MAP3K20: variants seen among roughly 807,000 people sequenced by gnomAD.
MAP3K20 encodes HCCS-4.
In MAP3K20, 40 loss-of-function variants were observed where a neutral mutation model predicts 85.7. That is an observed-to-expected ratio of 0.47 (90% CI 0.36 to 0.61). The LOEUF (loss-of-function observed/expected upper bound fraction) is 0.61. Among genes scored for constraint, MAP3K20 ranks in the 20% least tolerant of loss-of-function variants. The probability of loss-of-function intolerance (pLI) is 0.00; values close to 1 mark genes in which losing one functional copy is unlikely to be tolerated. For missense variants in MAP3K20, 817 were observed against 961.7 expected, an observed-to-expected ratio of 0.85 and a Z score of 1.99; for synonymous variants, 325 against 327.7, an observed-to-expected ratio of 0.99 and a Z score of 0.09.
intron 11 of MAP3K20, chr2:173,222,581 G>A (rs6731949): frequency 0.21 from 207,455 of 985,186 alleles, 22,167 homozygotes; most frequent in South Asian, 0.32. Context: ...AGTGGGGTAT[G>A]TGTGGTGGTT....
At chr2:173,220,357 T>G (rs1684208175) in intron 11 of MAP3K20, among the ~76,000 whole-genome samples, 1 of 152,176 alleles carries the variant, frequency 6.6e-6, no homozygotes, top group African/African-American at 2.4e-5. Flanking sequence ...TGGTGACATC[T>G]TAGAAAAAAG....
rs183381481 is a variant in MAP3K20, at chr2:173,241,392, C to T, written c.1359+1896C>T. ...CTTTGGGAGGCTGAGGCTGGGGGAT[C>T]GCTTGAGCCTAGGAGTTCGAGACCA... On this transcript the variant is annotated intron_variant, in intron 16 of 19. Transcript: ENST00000375213. 2.2e-3 allele frequency among the ~76,000 whole-genome samples: 332 copies of T among 152,166 alleles called. 11 individuals carry two copies. Among genetic ancestry groups the T allele is most frequent in the Non-Finnish European group, 3.1e-4 (21 of 67,996 alleles).
At chr2:173,229,809 G>A (rs1684480450) in intron 12 of MAP3K20, 76 bp downstream of exon 12, 14 of 1,503,204 alleles carry the variant, frequency 9.3e-6, no homozygotes, top group Non-Finnish European at 1.3e-5. Flanking sequence ...TTTAGGGGAA[G>A]AGATTGGGCC....
intron 2 of MAP3K20, among the ~76,000 whole-genome samples, chr2:173,133,766 C>T (rs1220491942): frequency 2.0e-5 from 3 of 151,336 alleles, no homozygotes; most frequent in South Asian, 2.1e-4. Flanking sequence ...GGGCGGATCA[C>T]GAGGTCAGGA....
chr2:173,221,352 A>G, intron 11 of MAP3K20: 1 of 1,614,086 alleles, frequency 6.2e-7, no homozygotes, highest in Non-Finnish European at 8.5e-7. Flanking sequence ...GCTGTGATGC[A>G]TTCTGGGATG....
chr2:173,224,834 A>C (rs1684340696), intron 11 of MAP3K20: 1 of 984,830 alleles, frequency 1.0e-6, no homozygotes, highest in Admixed American at 6.1e-5. Context: ...TTAATTTTAA[A>C]AGGAATATTT....
At chr2:173,090,661 C>G (rs1307634367) in intron 1 of MAP3K20, 1 of 998,594 alleles carries the variant, frequency 1.0e-6, no homozygotes, top group Non-Finnish European at 1.2e-6. Flanking sequence ...TCTGTCAGGG[C>G]TTCCTGAGAG....
chr2:173,154,558 C>T (rs908063854), intron 2 of MAP3K20, among the ~76,000 whole-genome samples: 3 of 152,140 alleles, frequency 2.0e-5, no homozygotes, highest in Admixed American at 6.5e-5. Flanking sequence ...AGATCCTTCA[C>T]GTGTTTTGTA....
chr2:173,191,130 C>G lies in MAP3K20; in HGVS notation c.535C>G (p.Gln179Glu). Residue 179 changes from glutamine (Q) to glutamate (E), a missense_variant, in exon 7 of 20, where the codon CAG becomes GAG. Transcript: ENST00000375213. Reference protein sequence around the residue: ...TFPWMAPEVIQSLPVSETCDT... With the variant: ...TFPWMAPEVIESLPVSETCDT... ...CCCATGGATGGCTCCAGAAGTTATC[C>G]AGAGTCTCCCTGTGTCAGAAACTTG... The G allele has an allele frequency of 6.2e-7, 1 of 1,614,024 alleles. No homozygotes were observed. The highest frequency in any genetic ancestry group is 1.1e-5 in the South Asian group (1 of 91,078).
rs1265350429 is a variant in MAP3K20, at chr2:173,076,119, C to A, written c.-35+117C>A. ...CTCCGCCGGAGCCCGGGAGTCTAGG[C>A]GGCCTCGGGAGGCTCCTCGGGGCTC... On this transcript the variant is annotated intron_variant, in intron 1 of 19. Coordinates refer to ENST00000375213, the MANE Select transcript of MAP3K20 (RefSeq NM_016653.3). 1.8e-5 allele frequency: 14 copies of A among 799,222 alleles called. No homozygotes were observed. In the African/African-American group the frequency reaches 2.4e-4, roughly 14 times the overall value. 49.5% of individuals were successfully genotyped at this position (799,222 alleles called of 1,614,324 possible).
chr2:173,126,641 A>G (rs1469305274), intron 2 of MAP3K20, among the ~76,000 whole-genome samples: 1 of 152,186 alleles, frequency 6.6e-6, no homozygotes, highest in Non-Finnish European at 1.5e-5. Context: ...CGGCCTCCCA[A>G]AGTGCTGGGA....
At chr2:173,192,401 T>C (rs1368179819) in intron 7 of MAP3K20, among the ~76,000 whole-genome samples, 1 of 152,218 alleles carries the variant, frequency 6.6e-6, no homozygotes, top group Non-Finnish European at 1.5e-5. Context: ...AAGATTAATT[T>C]TGTTAGCTAT....
Position 173,108,619 on chromosome 2 carries a change from T to C in MAP3K20, c.159+17429T>C, listed in dbSNP as rs544985863. Reference sequence around the variant, plus strand: ...GAAATGAGAAGGACTGAAACACTTATAGCTGGTGAGGGAATGGAATGATGG... The same window carrying C: ...GAAATGAGAAGGACTGAAACACTTACAGCTGGTGAGGGAATGGAATGATGG... On this transcript the variant is annotated intron_variant, in intron 2 of 19. Transcript: ENST00000375213. Among the ~76,000 whole-genome samples the C allele has an allele frequency of 5.6e-4, 85 of 152,226 alleles. 2 individuals carry two copies. The highest frequency in any genetic ancestry group is 1.8e-3 in the African/African-American group (73 of 41,560).
At chr2:173,105,938 CAA>C (rs893223932) in intron 2 of MAP3K20, among the ~76,000 whole-genome samples, 4 of 151,992 alleles carry the variant, frequency 2.6e-5, no homozygotes, top group African/African-American at 7.3e-5. Context: ...ATTTTTAAAA[CAA>C]AGTTCTATTT....
intron 4 of MAP3K20, among the ~76,000 whole-genome samples, chr2:173,187,139 G>C (rs1690510517): frequency 6.6e-6 from 1 of 152,160 alleles, no homozygotes; most frequent in African/African-American, 2.4e-5. Context: ...CTGGACATCA[G>C]AATCTGCAGT....
intron 3 of MAP3K20, among the ~76,000 whole-genome samples, chr2:173,182,121 T>C (rs775995641): frequency 5.3e-5 from 8 of 152,096 alleles, no homozygotes; most frequent in Admixed American, 6.6e-5. Flanking sequence ...AAGGGAATGA[T>C]GTCAGACACA....
intron 1 of MAP3K20, among the ~76,000 whole-genome samples, chr2:173,077,048 TAATG>T (rs76949471): frequency 0.14 from 21,737 of 152,190 alleles, 1,783 homozygotes; most frequent in South Asian, 0.3. Flanking sequence ...GTTTCTGTAA[TAATG>T]AAAGCAACAC....
chr2:173,121,594 A>C (rs886632606), intron 2 of MAP3K20, among the ~76,000 whole-genome samples: 2 of 151,664 alleles, frequency 1.3e-5, no homozygotes, highest in African/African-American at 2.4e-5. Flanking sequence ...TCACCGTGTT[A>C]GCCAGGATGG....
intron 19 of MAP3K20, 138 bp downstream of exon 19, chr2:173,264,033 C>A: frequency 8.1e-7 from 1 of 1,229,748 alleles, no homozygotes; most frequent in Non-Finnish European, 1.1e-6. Context: ...GCAGAAAACC[C>A]AGTTGCAACT....
Sources: gnomAD v4.1 joint callset for allele counts (sites outside exome capture counted in the v4.1 genomes callset) on GRCh38, gnomAD v4.1.1 for gene constraint, MANE v1.5 for transcripts, NCBI Gene and HGNC (gene_info 2026-07-23, HGNC 2026-07-21) for gene names.